Variants in AHR observed in about 807,000 individuals in gnomAD.
AHR encodes aryl hydrocarbon receptor, also known as AH-receptor.
In AHR, 40 loss-of-function variants were observed where a neutral mutation model predicts 86.8. The ratio of observed to expected loss-of-function variants is 0.46; its 90% confidence interval spans 0.36 to 0.60. AHR has a LOEUF of 0.60. Among genes scored for constraint, AHR ranks in the 20% least tolerant of loss-of-function variants. The probability of loss-of-function intolerance (pLI) is 0.00; values close to 1 mark genes in which losing one functional copy is unlikely to be tolerated. For synonymous variants in AHR, 398 were observed against 354.9 expected (o/e 1.12, Z -1.37); for missense variants, 1,001 against 1,011.6 (o/e 0.99, Z 0.14).
intron 2 of AHR, among the ~76,000 whole-genome samples, chr7:17,319,707 A>G (rs1782149939): frequency 1.3e-5 from 2 of 152,062 alleles, no homozygotes; most frequent in East Asian, 1.9e-4. Flanking sequence ...CACAAGCAAT[A>G]TATACATGAA....
At chr7:17,328,491 AT>A (rs1414437231) in intron 4 of AHR, among the ~76,000 whole-genome samples, 2 of 152,020 alleles carry the variant, frequency 1.3e-5, no homozygotes, top group African/African-American at 4.8e-5. Flanking sequence ...TTGAGAACAG[AT>A]TGTAACATTT....
At chr7:17,300,148 C>T in intron 1 of AHR, among the ~76,000 whole-genome samples, 1 of 152,116 alleles carries the variant, frequency 6.6e-6, no homozygotes, top group East Asian at 1.9e-4. Flanking sequence ...TACAAACTTG[C>T]TTTTGTCGTT....
Position 17,339,125 on chromosome 7 carries a change from G to T in AHR, c.1300G>T (p.Gly434Cys), listed in dbSNP as rs777848354. The change falls in exon 10 of 11, where the codon GGC (glycine) becomes TGC (cysteine). Residue 434 changes from glycine to cysteine, a missense_variant. By Grantham distance (159) the Gly-to-Cys change is radical (BLOSUM62 -3). Coordinates refer to ENST00000242057, the MANE Select transcript of AHR (RefSeq NM_001621.5). The stretch of plus-strand genomic sequence containing the variant: ...TCCCTTACCACTAAGGACTAAAAAT[G>T]GCACTAGTGGAAAAGACTCTGCTAC... The part of the protein sequence containing the change: ...MDPLPLRTKN[G>C]TSGKDSATTS... 1.3e-5 allele frequency: 21 copies of T among 1,614,106 alleles called. No individual in the cohort carries two copies. Among genetic ancestry groups the T allele is most frequent in the Non-Finnish European group, 1.8e-5 (21 of 1,180,018 alleles).
At chr7:17,336,280 T>C (rs1295052723) in intron 9 of AHR, among the ~76,000 whole-genome samples, 1 of 152,102 alleles carries the variant, frequency 6.6e-6, no homozygotes, top group Admixed American at 6.6e-5. Context: ...ACCAGTAACA[T>C]TGAAAAGATG....
intron 2 of AHR, among the ~76,000 whole-genome samples, chr7:17,310,784 T>G (rs1782056535): frequency 6.6e-6 from 1 of 152,072 alleles, no homozygotes; most frequent in African/African-American, 2.4e-5. Context: ...GATCTGCCCG[T>G]CTCAGCCTCC....
chr7:17,327,951 G>A, intron 4 of AHR, 103 bp downstream of exon 4: 1 of 349,724 alleles, frequency 2.9e-6, no homozygotes, highest in Non-Finnish European at 4.7e-6. Context: ...ATCAATATAT[G>A]CTGTAGAATA....
At chr7:17,309,905 G>A (rs753881148) in intron 1 of AHR, 31 bp from the exon 2 acceptor site, 2 of 1,488,472 alleles carry the variant, frequency 1.3e-6, no homozygotes, top group East Asian at 4.6e-5. Context: ...TTTTTTAAAG[G>A]ATTTTTTATG....
In AHR at chr7:17,299,063, T is replaced by C. The variant is rs1781923861; in HGVS notation, c.-202T>C. The C allele has an allele frequency of 1.8e-6, 1 of 551,228 alleles. No homozygotes were observed. The highest frequency in any genetic ancestry group is 3.0e-6 in the Non-Finnish European group (1 of 328,582). 34.1% of individuals were successfully genotyped at this position (551,228 alleles called of 1,614,324 possible). A position where few individuals can be genotyped will look rare whatever the true frequency, so the allele number is the denominator to read the frequency against. On this transcript the variant is annotated 5_prime_UTR_variant, in exon 1 of 11. Transcript: ENST00000242057. ...GCGCCAGGCCCAGGCAGCTCACCTG[T>C]ACTGGCGCGGGCTGCGGAAGCCTGC...
intron 9 of AHR, among the ~76,000 whole-genome samples, chr7:17,337,523 G>A (rs1042135612): frequency 2.1e-5 from 3 of 145,726 alleles, no homozygotes; most frequent in African/African-American, 5.1e-5. Context: ...CGCCCAGGCT[G>A]GAGTGCAGTG....
At chr7:17,314,881 A>C (rs192228286) in intron 2 of AHR, among the ~76,000 whole-genome samples, 36 of 152,130 alleles carry the variant, frequency 2.4e-4, no homozygotes, top group African/African-American at 7.9e-4. Context: ...TTATTTCTTA[A>C]TTCTAGGACT....
At chr7:17,335,126 T>G (rs1187246356) in intron 8 of AHR, 130 bp downstream of exon 8, 1 of 577,438 alleles carries the variant, frequency 1.7e-6, no homozygotes, top group Non-Finnish European at 3.0e-6. Context: ...TAACATATCA[T>G]TATGATTAAC....
intron 1 of AHR, among the ~76,000 whole-genome samples, chr7:17,309,655 G>A (rs980496557): frequency 4.6e-5 from 7 of 152,192 alleles, no homozygotes; most frequent in African/African-American, 1.7e-4. Flanking sequence ...CAGTAGATCT[G>A]TTAATTGGGA....
At chr7:17,317,235 A>G (rs1782125228) in intron 2 of AHR, among the ~76,000 whole-genome samples, 1 of 150,510 alleles carries the variant, frequency 6.6e-6, no homozygotes, top group Non-Finnish European at 1.5e-5. Context: ...AAATTTGTTA[A>G]TAAACTGTTT....
In AHR at chr7:17,327,849, G is replaced by C; in HGVS notation, c.450+1G>C. 7.1e-7 allele frequency: 1 copy of C among 1,404,346 alleles called. No homozygotes were observed. Among genetic ancestry groups the C allele is most frequent in the African/African-American group, 1.4e-5 (1 of 69,500 alleles). The allele number at this position is 1,404,346 out of a possible 1,614,324, so 87.0% of individuals were successfully genotyped here. ...ACAAGATTATCTAGGGTTTCAGCAGGTAAGTATATATTATTTATATCATTT... is the reference window on the plus strand; with the variant it reads ...ACAAGATTATCTAGGGTTTCAGCAGCTAAGTATATATTATTTATATCATTT... On this transcript the variant is annotated splice_donor_variant, in intron 4 of 10. Transcript: ENST00000242057. LOFTEE classifies it high-confidence loss of function.
At chr7:17,321,326 A>G (rs1373668333) in intron 2 of AHR, among the ~76,000 whole-genome samples, 1 of 151,674 alleles carries the variant, frequency 6.6e-6, no homozygotes, top group Non-Finnish European at 1.5e-5. Flanking sequence ...TATTCTCATT[A>G]CTCTTCACAA....
chr7:17,322,461 G>T, intron 2 of AHR, 40 bp from the exon 3 acceptor site: 1 of 1,358,888 alleles, frequency 7.4e-7, no homozygotes, highest in Non-Finnish European at 1.0e-6. Flanking sequence ...CTTTACTCTT[G>T]CTTACTTTTA....
At position 17,338,971 on chromosome 7, in the gene AHR, T is replaced by C; in HGVS notation, c.1161-15T>C. 1 of 1,540,840 alleles carries C rather than the reference T, an allele frequency of 6.5e-7. No individual in the cohort carries two copies. Among genetic ancestry groups the C allele is most frequent in the Non-Finnish European group, 8.7e-7 (1 of 1,144,914 alleles). ...ATAGAATTTTTTTCTAAGACTTTTTTGTACACAATTTTAGAGATGAGGAAG... is the reference window on the plus strand; with the variant it reads ...ATAGAATTTTTTTCTAAGACTTTTTCGTACACAATTTTAGAGATGAGGAAG... On this transcript the variant is annotated splice_polypyrimidine_tract_variant and intron_variant, in intron 9 of 10. Transcript: ENST00000242057.
In AHR at chr7:17,330,775, G is replaced by A. The variant is rs1408804325; in HGVS notation, c.594G>A (p.Gln198=). Residue 198 remains glutamine, a synonymous_variant, in exon 6 of 11, where the codon CAG becomes CAA. Coordinates refer to ENST00000242057, the MANE Select transcript of AHR (RefSeq NM_001621.5). ...QGIEEATGLP[Q]TVVCYNPDQI... ...CTACAGAAGCCACTGGTCTCCCCCA[G>A]ACAGTAGTCTGTTATAACCCAGACC... The A allele has an allele frequency of 6.2e-7, 1 of 1,610,492 alleles. No homozygotes were observed. Among genetic ancestry groups the A allele is most frequent in the Non-Finnish European group, 8.5e-7 (1 of 1,177,798 alleles).
intron 2 of AHR, 100 bp downstream of exon 2, chr7:17,310,223 T>G (rs759839751): frequency 8.5e-6 from 10 of 1,176,336 alleles, no homozygotes; most frequent in Admixed American, 2.5e-5. Flanking sequence ...TTAGCCGTAT[T>G]TGGAAAATTT....
Sources: gnomAD v4.1 joint callset for allele counts (sites outside exome capture counted in the v4.1 genomes callset) on GRCh38, gnomAD v4.1.1 for gene constraint, MANE v1.5 for transcripts, NCBI Gene and HGNC (gene_info 2026-07-23, HGNC 2026-07-21) for gene names.